Variants in PTPRC observed in about 807,000 individuals in gnomAD.
PTPRC encodes the protein protein tyrosine phosphatase receptor type C, also known as receptor-type tyrosine-protein phosphatase C.
Under a neutral mutation model 155.9 loss-of-function variants are expected in PTPRC, and 44 were observed. That is an observed-to-expected ratio of 0.28 (90% CI 0.22 to 0.36). The LOEUF (loss-of-function observed/expected upper bound fraction) is 0.36, where lower values mean the gene tolerates loss of function less well. Among genes scored for constraint, PTPRC ranks in the 10% least tolerant of loss-of-function variants. The probability of loss-of-function intolerance (pLI) is 1.00; values close to 1 mark genes in which losing one functional copy is unlikely to be tolerated. For synonymous variants in PTPRC, 525 were observed against 533.1 expected (o/e 0.98, Z 0.21); for missense variants, 1,401 against 1,564.6 (o/e 0.90, Z 1.76).
intron 2 of PTPRC, among the ~76,000 whole-genome samples, chr1:198,659,252 GAC>G (rs1027618492): frequency 2.6e-5 from 4 of 152,136 alleles, no homozygotes; most frequent in African/African-American, 9.7e-5. Flanking sequence ...GTCACCACTA[GAC>G]ACATACTATT....
rs1481095196 is a variant in PTPRC, at chr1:198,744,190, A to G, written c.2834A>G (p.Glu945Gly). The G allele has an allele frequency of 1.9e-6, 3 of 1,605,214 alleles. No individual in the cohort carries two copies. The highest frequency in any genetic ancestry group is 2.6e-6 in the Non-Finnish European group (3 of 1,173,110). The change falls in exon 26 of 33, where the codon GAG becomes GGG. Residue 945 changes from glutamate (E) to glycine (G), a missense_variant. Glu to Gly is a moderately conservative substitution (Grantham distance 98). Coordinates refer to ENST00000442510, the MANE Select transcript of PTPRC (RefSeq NM_002838.5). ...CCACCCAGTGAGCCGTCTCCACTAG[A>G]GGCTGAATTCCAGGTAATGATAGTG... ...RDPPSEPSPL[E>G]AEFQRLPSYR...
chr1:198,739,678 A>T (rs866343899), intron 23 of PTPRC, among the ~76,000 whole-genome samples: 1 of 151,820 alleles, frequency 6.6e-6, no homozygotes, highest in South Asian at 2.1e-4. Context: ...TCACCCAGGA[A>T]GAAAATCAAC....
intron 32 of PTPRC, among the ~76,000 whole-genome samples, chr1:198,755,618 T>C (rs185608744): frequency 2.0e-5 from 3 of 152,164 alleles, no homozygotes; most frequent in East Asian, 1.9e-4. Context: ...GGAGGATAAG[T>C]ACAAAACGTG....
At chr1:198,715,667 C>T (rs1158373069) in intron 12 of PTPRC, among the ~76,000 whole-genome samples, 1 of 151,480 alleles carries the variant, frequency 6.6e-6, no homozygotes, top group African/African-American at 2.4e-5. Flanking sequence ...GAACAAATTG[C>T]TTAATCTCTC....
intron 5 of PTPRC, among the ~76,000 whole-genome samples, chr1:198,702,000 C>T (rs1214937876): frequency 6.6e-6 from 1 of 152,224 alleles, no homozygotes; most frequent in African/African-American, 2.4e-5. Context: ...CTTTTACACT[C>T]AGAGCTCTAC....
chr1:198,735,052 A>T, intron 22 of PTPRC, 75 bp from the exon 23 acceptor site: 1 of 1,323,194 alleles, frequency 7.6e-7, no homozygotes, highest in Non-Finnish European at 1.0e-6. Context: ...TTTTGTTTTC[A>T]CTGTTTAAAG....
chr1:198,694,245 A>G, intron 3 of PTPRC: 1 of 1,077,434 alleles, frequency 9.3e-7, no homozygotes, highest in Non-Finnish European at 1.2e-6. Flanking sequence ...CAGCAAGCTC[A>G]CTTCTCCTAC....
intron 2 of PTPRC, among the ~76,000 whole-genome samples, chr1:198,664,770 T>C (rs192624765): frequency 2.4e-4 from 37 of 152,250 alleles, no homozygotes; most frequent in African/African-American, 8.9e-4. Flanking sequence ...ATAACCCTGA[T>C]AGTTGCTAGA....
At chr1:198,742,716 C>T (rs1337908261) in intron 25 of PTPRC, among the ~76,000 whole-genome samples, 1 of 151,796 alleles carries the variant, frequency 6.6e-6, no homozygotes, top group Non-Finnish European at 1.5e-5. Context: ...TAATCAACAG[C>T]TGGTTTTAGA....
chr1:198,732,598 T>C (rs1463605158), intron 20 of PTPRC, 42 bp downstream of exon 20: 2 of 1,418,238 alleles, frequency 1.4e-6, no homozygotes, highest in East Asian at 2.3e-5. Flanking sequence ...ACATATTTCA[T>C]TCAGCTCCTT....
intron 32 of PTPRC, 21 bp from the exon 33 acceptor site, chr1:198,755,885 C>T: frequency 6.3e-7 from 1 of 1,593,658 alleles, no homozygotes; most frequent in Non-Finnish European, 8.6e-7. Flanking sequence ...CATGTAATTT[C>T]CCACTTAATT....
chr1:198,681,412 G>T (rs2102331752), intron 2 of PTPRC, among the ~76,000 whole-genome samples: 1 of 152,286 alleles, frequency 6.6e-6, no homozygotes, highest in Admixed American at 6.5e-5. Flanking sequence ...TATTTAAGGA[G>T]CCATTCAACT....
chr1:198,752,863 A>G, intron 31 of PTPRC, 91 bp downstream of exon 31: 1 of 1,413,556 alleles, frequency 7.1e-7, no homozygotes, highest in Non-Finnish European at 9.8e-7. Flanking sequence ...CTCATATATG[A>G]AACACATAAC....
At chr1:198,746,348 T>C (rs538072862) in intron 26 of PTPRC, among the ~76,000 whole-genome samples, 30 of 151,916 alleles carry the variant, frequency 2.0e-4, no homozygotes, top group African/African-American at 6.0e-4. Flanking sequence ...GGAGAACACG[T>C]ATCTTTTCTT....
intron 5 of PTPRC, 34 bp downstream of exon 5, chr1:198,699,738 A>G (rs1246330937): frequency 6.2e-7 from 1 of 1,613,032 alleles, no homozygotes; most frequent in Non-Finnish European, 8.5e-7. Context: ...GCAAATATGA[A>G]AAGTACATGA....
At chr1:198,640,648 A>T (rs1662525761) in intron 2 of PTPRC, among the ~76,000 whole-genome samples, 1 of 152,048 alleles carries the variant, frequency 6.6e-6, no homozygotes, top group African/African-American at 2.4e-5. Flanking sequence ...AATCTCAATG[A>T]AGTGATATAT....
chr1:198,696,167 AATAT>A (rs58023006), intron 3 of PTPRC, among the ~76,000 whole-genome samples: 4 of 145,798 alleles, frequency 2.7e-5, no homozygotes, highest in East Asian at 2.0e-4. Flanking sequence ...TCAAAAAGAA[AATAT>A]ATATATATAT....
At chr1:198,708,358 C>T in intron 10 of PTPRC, 97 bp downstream of exon 10, 1 of 1,229,526 alleles carries the variant, frequency 8.1e-7, no homozygotes, top group South Asian at 1.3e-5. Context: ...CTCTTCCTCC[C>T]TGCCTCTCTT....
chr1:198,671,551 G>A (rs1156366564), intron 2 of PTPRC, among the ~76,000 whole-genome samples: 1 of 152,084 alleles, frequency 6.6e-6, no homozygotes, highest in Non-Finnish European at 1.5e-5. Context: ...TGCTTAATTT[G>A]TCTTTTATAA....
Sources: gnomAD v4.1 joint callset for allele counts (sites outside exome capture counted in the v4.1 genomes callset) on GRCh38, gnomAD v4.1.1 for gene constraint, MANE v1.5 for transcripts, NCBI Gene and HGNC (gene_info 2026-07-23, HGNC 2026-07-21) for gene names.